The following LIMD1 variants were observed in gnomAD, a reference collection of about 807,000 sequenced individuals.
The protein encoded by LIMD1 is LIM domain containing 1.
In LIMD1, 23 loss-of-function variants were observed where a neutral mutation model predicts 58.4. The observed-to-expected ratio is 0.39, with a 90% CI of 0.28 to 0.56. The LOEUF (loss-of-function observed/expected upper bound fraction) is 0.56, where lower values mean the gene tolerates loss of function less well. LIMD1 is among the 20% of genes least tolerant of loss of function. The probability of loss-of-function intolerance (pLI) is 0.57; values close to 1 mark genes in which losing one functional copy is unlikely to be tolerated. For synonymous variants in LIMD1, 334 were observed against 345.5 expected, an observed-to-expected ratio of 0.97 and a Z score of 0.37; for missense variants, 838 against 855.5, an observed-to-expected ratio of 0.98 and a Z score of 0.25.
At chr3:45,615,334 G>A (rs548126443) in intron 1 of LIMD1, among the ~76,000 whole-genome samples, 104 of 152,270 alleles carry the variant, frequency 6.8e-4, no homozygotes, top group Admixed American at 1.3e-3. Context: ...GGTACAGGGA[G>A]GGCACCTTTT....
intron 1 of LIMD1, among the ~76,000 whole-genome samples, chr3:45,601,155 C>G (rs1354483854): frequency 2.0e-5 from 3 of 152,228 alleles, no homozygotes; most frequent in Admixed American, 2.0e-4. Flanking sequence ...GTTGACCATA[C>G]AAGGGCTTAT....
At chr3:45,655,624 G>A (rs114245729) in intron 2 of LIMD1, among the ~76,000 whole-genome samples, 2 of 152,214 alleles carry the variant, frequency 1.3e-5, no homozygotes, top group African/African-American at 4.8e-5. Flanking sequence ...GCAGAGTCTC[G>A]GGCCCCTTCC....
rs1390388490 is a variant in LIMD1 at position 45,636,352 on chromosome 3, ATG to A, written c.1510+102_1510+103del. ...TCATCTTTCTGGAGACGGTTGGTCCATGGCCCTCCTCAGCCCCACAGAAAAGC... is the reference window on the plus strand; with the variant it reads ...TCATCTTTCTGGAGACGGTTGGTCCAGCCCTCCTCAGCCCCACAGAAAAGC... On this transcript the variant is annotated intron_variant, in intron 2 of 7. Coordinates refer to ENST00000273317, the MANE Select transcript of LIMD1 (RefSeq NM_014240.3). 13 of 871,536 alleles carry A rather than the reference ATG, an allele frequency of 1.5e-5. No individual in the cohort carries two copies. The African/African-American group carries it at 2.0e-4, about 14-fold the overall frequency. The allele number at this position is 871,536 out of a possible 1,614,324, so 54.0% of individuals were successfully genotyped here. A position where few individuals can be genotyped will look rare whatever the true frequency, so the allele number is the denominator to read the frequency against.
intron 1 of LIMD1, among the ~76,000 whole-genome samples, chr3:45,598,953 A>G (rs562078935): frequency 6.6e-6 from 1 of 152,230 alleles, no homozygotes; most frequent in South Asian, 2.1e-4. Context: ...CATTATGCCC[A>G]TTTTACTGAT....
intron 3 of LIMD1, among the ~76,000 whole-genome samples, chr3:45,666,210 A>C (rs1325555895): frequency 6.6e-6 from 1 of 152,174 alleles, no homozygotes; most frequent in African/African-American, 2.4e-5. Context: ...GTGAAGCAGA[A>C]AAATCTTACC....
chr3:45,622,537 G>A (rs1165360597), intron 1 of LIMD1, among the ~76,000 whole-genome samples: 4 of 152,094 alleles, frequency 2.6e-5, no homozygotes, highest in Non-Finnish European at 5.9e-5. Flanking sequence ...TAAAAATTAC[G>A]TGAATGTGGT....
In LIMD1 at chr3:45,676,933, G is replaced by A; in HGVS notation, c.1905G>A (p.Leu635=). ...CTGCCTCCCCACAGGACTGTGGTCTGGAGCTCAATGATGAAGATGGCCACC... is the reference window on the plus strand; with the variant it reads ...CTGCCTCCCCACAGGACTGTGGTCTAGAGCTCAATGATGAAGATGGCCACC... The part of the protein sequence containing the change: ...VECYHCEDCG[L]ELNDEDGHRC... Residue 635 remains leucine (L), a synonymous_variant, in exon 8 of 8, where the codon CTG becomes CTA. Coordinates refer to ENST00000273317, the MANE Select transcript of LIMD1 (RefSeq NM_014240.3). The A allele has an allele frequency of 1.9e-6, 3 of 1,614,128 alleles. No homozygotes were observed. The highest frequency in any genetic ancestry group is 2.5e-6 in the Non-Finnish European group (3 of 1,179,978).
intron 1 of LIMD1, among the ~76,000 whole-genome samples, chr3:45,601,461 G>T (rs982925929): frequency 1.3e-5 from 2 of 152,234 alleles, no homozygotes; most frequent in African/African-American, 4.8e-5. Context: ...CCCAGCAGCT[G>T]TGCCCTCCCC....
Position 45,594,829 on chromosome 3 carries a change from A to ACACACACACACACACC in LIMD1, c.-36_-35insCCACACACACACACAC. On this transcript the variant is annotated 5_prime_UTR_variant, in exon 1 of 8. Transcript: ENST00000273317. Reference sequence around the variant, plus strand: ...CACACACACACACACACACACACACACACACACACACACACGGCACCTGGG... The same window carrying ACACACACACACACACC: ...CACACACACACACACACACACACACACACACACACACACACCCACACACACACACACGGCACCTGGG... The ACACACACACACACACC allele has an allele frequency of 1.1e-6, 1 of 877,426 alleles. No individual in the cohort carries two copies. The allele number at this position is 877,426 out of a possible 1,614,324, so 54.4% of individuals were successfully genotyped here. A position where few individuals can be genotyped will look rare whatever the true frequency, so the allele number is the denominator to read the frequency against.
At chr3:45,665,081 A>T (rs1697498635) in intron 2 of LIMD1, among the ~76,000 whole-genome samples, 1 of 152,044 alleles carries the variant, frequency 6.6e-6, no homozygotes. Flanking sequence ...GGGTGCTTTG[A>T]ACTTTTCCCA....
At chr3:45,626,732 C>T (rs756871815) in intron 1 of LIMD1, among the ~76,000 whole-genome samples, 4 of 151,806 alleles carry the variant, frequency 2.6e-5, no homozygotes, top group Admixed American at 6.6e-5. Flanking sequence ...CTGTGGACTT[C>T]GGGTGATAAT....
intron 1 of LIMD1, among the ~76,000 whole-genome samples, chr3:45,603,102 A>G (rs905999503): frequency 6.6e-6 from 1 of 152,128 alleles, no homozygotes; most frequent in African/African-American, 2.4e-5. Flanking sequence ...TGGCCTCCCA[A>G]AGTGCTGGGA....
chr3:45,658,277 G>C (rs1697370865), intron 2 of LIMD1, among the ~76,000 whole-genome samples: 1 of 152,128 alleles, frequency 6.6e-6, no homozygotes, highest in Admixed American at 6.6e-5. Context: ...TAGGTCAGTG[G>C]GGGAGTCTCA....
At chr3:45,653,923 A>G (rs796223267) in intron 2 of LIMD1, among the ~76,000 whole-genome samples, 38 of 142,794 alleles carry the variant, frequency 2.7e-4, no homozygotes, top group African/African-American at 8.5e-4. Flanking sequence ...AAAAAAAAAA[A>G]AAAGAAAAAG....
chr3:45,668,221 T>G (rs1697543058), intron 3 of LIMD1, 73 bp from the exon 4 acceptor site: 1 of 1,170,436 alleles, frequency 8.5e-7, no homozygotes, highest in Admixed American at 1.8e-5. Context: ...CTTATAATCC[T>G]CTTGGCTGTT....
intron 3 of LIMD1, among the ~76,000 whole-genome samples, chr3:45,667,147 T>C (rs1484655692): frequency 1.3e-5 from 2 of 152,236 alleles, no homozygotes; most frequent in African/African-American, 2.4e-5. Context: ...TCACATCCGA[T>C]GGGCAAGAGT....
chr3:45,631,796 A>G (rs1260176008), intron 1 of LIMD1, among the ~76,000 whole-genome samples: 2 of 152,220 alleles, frequency 1.3e-5, no homozygotes, highest in African/African-American at 4.8e-5. Context: ...CCCTGCCAGC[A>G]TCTTATGAAC....
Position 45,681,126 on chromosome 3 carries a change from A to G in LIMD1, c.*4067A>G, listed in dbSNP as rs576103617. 10 of 152,146 alleles carry G rather than the reference A, an allele frequency of 6.6e-5. No individual in the cohort carries two copies. In the East Asian group the frequency reaches 1.9e-3, roughly 29 times the overall value. The allele number at this position is 152,146 out of a possible 1,614,324, so 9.4% of individuals were successfully genotyped here. ...ATATAGTGTATGAAAATTTCATTGT[A>G]CAGGGAAATTATTTTCCTCTGTGTC... On this transcript the variant is annotated 3_prime_UTR_variant, in exon 8 of 8. Coordinates refer to ENST00000273317, the MANE Select transcript of LIMD1 (RefSeq NM_014240.3).
At position 45,685,836 on chromosome 3, in the gene LIMD1, T is replaced by G. The variant is rs1186190910; in HGVS notation, c.*8777T>G. The stretch of plus-strand genomic sequence containing the variant: ...CATGGGATTGTGTAATGCCCAACCT[T>G]GTTTTTACTAACCCTGTTTTTAGAC... On this transcript the variant is annotated 3_prime_UTR_variant, in exon 8 of 8. Transcript: ENST00000273317. 1.3e-5 allele frequency: 2 copies of G among 152,250 alleles called. No homozygotes were observed. The highest frequency in any genetic ancestry group is 4.8e-5 in the African/African-American group (2 of 41,436). The allele number at this position is 152,250 out of a possible 1,614,324, so 9.4% of individuals were successfully genotyped here.
Sources: gnomAD v4.1 joint callset for allele counts (sites outside exome capture counted in the v4.1 genomes callset) on GRCh38, gnomAD v4.1.1 for gene constraint, MANE v1.5 for transcripts, NCBI Gene and HGNC (gene_info 2026-07-23, HGNC 2026-07-21) for gene names.